Variants in NHSL2 observed in about 807,000 individuals in gnomAD.
NHSL2 encodes NHS-like protein 2.
NHSL2 carries 27 observed loss-of-function variants against 53.4 expected under a neutral mutation model. That is an observed-to-expected ratio of 0.51 (90% CI 0.37 to 0.70). The LOEUF (loss-of-function observed/expected upper bound fraction) is 0.70. NHSL2 is among the 30% of genes least tolerant of loss of function. The probability of loss-of-function intolerance (pLI) is 0.00; values close to 1 mark genes in which losing one functional copy is unlikely to be tolerated. For synonymous variants in NHSL2, 408 were observed against 404.1 expected (o/e 1.01, Z -0.12); for missense variants, 892 against 980.1 (o/e 0.91, Z 1.20).
intron 1 of NHSL2, among the ~76,000 whole-genome samples, chrX:71,951,005 TACACAC>T (rs10527333): frequency 8.9e-5 from 8 of 89,758 alleles, no homozygotes; most frequent in African/African-American, 1.3e-4. Context: ...AAATACAAAA[TACACAC>T]ACACACACAC....
chrX:72,041,091 A>G (rs2042271636), intron 1 of NHSL2, among the ~76,000 whole-genome samples: 1 of 112,093 alleles, frequency 8.9e-6, no homozygotes, highest in South Asian at 3.7e-4. Flanking sequence ...GGGAGGTTTC[A>G]GTTGGGTCTT....
chrX:72,056,435 G>A (rs2042369660), intron 1 of NHSL2, among the ~76,000 whole-genome samples: 1 of 111,504 alleles, frequency 9.0e-6, no homozygotes, highest in African/African-American at 3.3e-5. Flanking sequence ...TTACCAACAG[G>A]CCTCCTAGAC....
chrX:71,987,491 G>A, intron 1 of NHSL2, among the ~76,000 whole-genome samples: 2 of 112,069 alleles, frequency 1.8e-5, no homozygotes, highest in Non-Finnish European at 3.8e-5. Flanking sequence ...AGTCAAAGAA[G>A]CAGTTTATGA....
Position 72,140,103 on chromosome X carries a change from A to G in NHSL2, c.2555A>G (p.Glu852Gly), listed in dbSNP as rs984082471. Residue 852 changes from glutamate to glycine, a missense_variant, in exon 6 of 8, where the codon GAG becomes GGG. Coordinates refer to ENST00000633930, the MANE Select transcript of NHSL2 (RefSeq NM_001013627.3). ...GATATTGAGAGCCCTGAGTATGCCG[A>G]GGAACCCAGAGCAGAAGAAGTCTTC... ...EDDIESPEYA[E>G]EPRAEEVFTL... 1.7e-6 allele frequency: 2 copies of G among 1,209,899 alleles called. No homozygotes were observed. The highest frequency in any genetic ancestry group is 4.4e-5 in the Admixed American group (2 of 45,909).
intron 1 of NHSL2, among the ~76,000 whole-genome samples, chrX:72,015,451 A>G (rs973370538): frequency 1.8e-5 from 2 of 112,446 alleles, no homozygotes; most frequent in Non-Finnish European, 3.8e-5. Flanking sequence ...GGCTAACACA[A>G]TCTTTCAATA....
chrX:71,918,991 C>T (rs1036042801), intron 1 of NHSL2, among the ~76,000 whole-genome samples: 1 of 111,427 alleles, frequency 9.0e-6, no homozygotes, highest in Non-Finnish European at 1.9e-5. Context: ...TATACAATAT[C>T]GTCTAAAACA....
At chrX:71,944,435 A>G (rs776893039) in intron 1 of NHSL2, among the ~76,000 whole-genome samples, 16 of 112,195 alleles carry the variant, frequency 1.4e-4, no homozygotes, top group African/African-American at 4.8e-4. Context: ...GTCTAAGGCC[A>G]GGAGGTTTCC....
chrX:71,989,792 A>G (rs1172977926), intron 1 of NHSL2, among the ~76,000 whole-genome samples: 5 of 112,113 alleles, frequency 4.5e-5, no homozygotes, highest in Admixed American at 3.8e-4. Flanking sequence ...AACCATCCCT[A>G]TGGGGTGTGG....
chrX:71,922,144 A>G (rs1220790443), intron 1 of NHSL2, among the ~76,000 whole-genome samples: 1 of 112,474 alleles, frequency 8.9e-6, no homozygotes, highest in Non-Finnish European at 1.9e-5. Context: ...TGCAGAAGAA[A>G]GAGTATTTAT....
chrX:72,127,641 T>TAGCAGGTCCCCTCGAAGAAC (rs1189348272), intron 1 of NHSL2: 3 of 112,599 alleles, frequency 2.7e-5, no homozygotes, highest in Non-Finnish European at 5.6e-5. Context: ...CCTCGAAGAA[T>TAGCAGGTCCCCTCGAAGAAC]AGCAGGTCCC....
intron 1 of NHSL2, among the ~76,000 whole-genome samples, chrX:72,068,675 TGAGAGAGA>T (rs5902689): frequency 2.0e-4 from 22 of 108,972 alleles, no homozygotes; most frequent in South Asian, 1.2e-3. Flanking sequence ...TGTGTGTGTG[TGAGAGAGA>T]GAGAGAGAGA....
Position 72,144,752 on chromosome X carries a change from G to A in NHSL2, c.*1178G>A. The A allele has an allele frequency of 4.9e-6, 1 of 204,468 alleles. No individual in the cohort carries two copies. The highest frequency in any genetic ancestry group is 9.2e-6 in the Non-Finnish European group (1 of 108,284). 16.9% of individuals were successfully genotyped at this position (204,468 alleles called of 1,213,427 possible). A position where few individuals can be genotyped will look rare whatever the true frequency, so the allele number is the denominator to read the frequency against. On this transcript the variant is annotated 3_prime_UTR_variant, in exon 8 of 8. Coordinates refer to ENST00000633930, the MANE Select transcript of NHSL2 (RefSeq NM_001013627.3). ...CACACACACACACACACACAAAAGG[G>A]CTACTTTTTGCCATTTAGGTTCTGT...
intron 1 of NHSL2, among the ~76,000 whole-genome samples, chrX:72,108,512 G>A (rs890115295): frequency 8.8e-6 from 1 of 113,013 alleles, no homozygotes; most frequent in Non-Finnish European, 1.9e-5. Flanking sequence ...ACAGAGCCAG[G>A]ATTTGAACCC....
chrX:71,921,091 C>A lies in NHSL2; in HGVS notation c.280+9724C>A, dbSNP rs921803890. Among the ~76,000 whole-genome samples, 5 of 109,369 alleles carry A rather than the reference C, an allele frequency of 4.6e-5. No individual in the cohort carries two copies. In the Admixed American group the frequency reaches 4.8e-4, roughly 10 times the overall value. 95.0% of individuals were successfully genotyped at this position (109,369 alleles called of 115,157 possible). A position where few individuals can be genotyped will look rare whatever the true frequency, so the allele number is the denominator to read the frequency against. On this transcript the variant is annotated intron_variant, in intron 1 of 7. Coordinates refer to ENST00000633930, the MANE Select transcript of NHSL2 (RefSeq NM_001013627.3). ...GTGCTGGGATTGCAGGCGTGAGCCA[C>A]CGTTCCCGGCCAATATATTTTTTAA...
intron 6 of NHSL2, 45 bp downstream of exon 6, chrX:72,140,816 A>G: frequency 9.6e-7 from 1 of 1,045,310 alleles, no homozygotes; most frequent in Non-Finnish European, 1.3e-6. Flanking sequence ...CACAGGAGAG[A>G]TGAGGGTGAG....
In NHSL2 at chrX:72,144,940, G is replaced by T; in HGVS notation, c.*1366G>T. On this transcript the variant is annotated 3_prime_UTR_variant, in exon 8 of 8. Coordinates refer to ENST00000633930, the MANE Select transcript of NHSL2 (RefSeq NM_001013627.3). ...TCTTGTCAGCTCAATTTTCTAAGCA[G>T]AGCAAGAGCAGTGATTCATTTGATT... is the stretch of plus-strand genomic sequence containing the variant. 1 of 115,862 alleles carries T rather than the reference G, an allele frequency of 8.6e-6. No homozygotes were observed. Among genetic ancestry groups the T allele is most frequent in the Non-Finnish European group, 1.8e-5 (1 of 55,233 alleles). 9.5% of individuals were successfully genotyped at this position (115,862 alleles called of 1,213,427 possible).
intron 1 of NHSL2, among the ~76,000 whole-genome samples, chrX:72,012,423 G>A (rs893197104): frequency 1.7e-4 from 19 of 112,370 alleles, no homozygotes; most frequent in Non-Finnish European, 3.4e-4. Flanking sequence ...TGTGGGCAGG[G>A]TTGCACTCCC....
At chrX:72,130,965 G>T (rs1569482981) in intron 1 of NHSL2, 9 of 1,211,701 alleles carry the variant, frequency 7.4e-6, no homozygotes, top group African/African-American at 1.7e-5. Flanking sequence ...TGAAAAAGGA[G>T]ATCAGAAAGG....
In NHSL2 at chrX:71,936,263, G is replaced by T. The variant is rs914839586; in HGVS notation, c.280+24896G>T. 7.1e-5 allele frequency among the ~76,000 whole-genome samples: 8 copies of T among 112,111 alleles called. No homozygotes were observed. In the East Asian group the frequency reaches 2.0e-3, roughly 28 times the overall value. ...CGAAGCCTAGAGATGGGAGCAGGAGGCTGGTTCCCCTGCTCTCTCCTGCTC... is the reference window on the plus strand; with the variant it reads ...CGAAGCCTAGAGATGGGAGCAGGAGTCTGGTTCCCCTGCTCTCTCCTGCTC... On this transcript the variant is annotated intron_variant, in intron 1 of 7. Coordinates refer to ENST00000633930, the MANE Select transcript of NHSL2 (RefSeq NM_001013627.3).
Sources: gnomAD v4.1 joint callset for allele counts (sites outside exome capture counted in the v4.1 genomes callset) on GRCh38, gnomAD v4.1.1 for gene constraint, MANE v1.5 for transcripts, NCBI Gene and HGNC (gene_info 2026-07-23, HGNC 2026-07-21) for gene names.